AFF2: variants seen among roughly 807,000 people sequenced by gnomAD.
AFF2 encodes ALF transcription elongation factor 2, also known as AF4/FMR2 family member 2.
A neutral mutation model predicts 76.9 loss-of-function variants in AFF2; 14 were observed. That is an observed-to-expected ratio of 0.18 (90% CI 0.12 to 0.28). AFF2 has a LOEUF of 0.28. Ranked by LOEUF, AFF2 falls within the 10% of genes least tolerant of loss-of-function variation. The probability of loss-of-function intolerance (pLI) is 1.00; values close to 1 mark genes in which losing one functional copy is unlikely to be tolerated. For missense variants in AFF2, 868 were observed against 1,001.1 expected (o/e 0.87, Z 1.79); for synonymous variants, 398 against 366.7 (o/e 1.09, Z -0.98).
At chrX:148,501,192 G>A in intron 1 of AFF2, 48 bp downstream of exon 1, 2 of 1,197,757 alleles carry the variant, frequency 1.7e-6, no homozygotes, top group Non-Finnish European at 2.3e-6. Flanking sequence ...GTCTCCTGGC[G>A]AAGTCTGAGG....
At chrX:148,518,170 G>A (rs939619013) in intron 1 of AFF2, among the ~76,000 whole-genome samples, 1 of 111,799 alleles carries the variant, frequency 8.9e-6, no homozygotes, top group Non-Finnish European at 1.9e-5. Flanking sequence ...TCTTGACTTG[G>A]GGGGAAAGGT....
chrX:148,906,973 G>T (rs2124215513), intron 9 of AFF2, among the ~76,000 whole-genome samples: 1 of 111,497 alleles, frequency 9.0e-6, no homozygotes, highest in South Asian at 3.8e-4. Context: ...GGGTTCCACG[G>T]TTCTCTTCCA....
At position 148,837,686 on chromosome X, in the gene AFF2, C is replaced by A; in HGVS notation, c.1126C>A (p.His376Asn). 8.3e-7 allele frequency: 1 copy of A among 1,201,374 alleles called. No individual in the cohort carries two copies. Among genetic ancestry groups the A allele is most frequent in the Non-Finnish European group, 1.1e-6 (1 of 886,321 alleles). ...CTGGCCTACTCCTCTCACTTCCATG[C>A]ATACTGCTGGACACTCTGAGCAGAG... Reference protein sequence around the residue: ...HSWPTPLTSMHTAGHSEQSTF... With the variant: ...HSWPTPLTSMNTAGHSEQSTF... The change falls in exon 5 of 21, where the codon CAT becomes AAT. Residue 376 changes from histidine to asparagine, a missense_variant. His to Asn is a moderately conservative substitution (Grantham distance 68). Transcript: ENST00000370460.
chrX:148,844,574 C>T (rs1373644191), intron 7 of AFF2, among the ~76,000 whole-genome samples: 2 of 111,674 alleles, frequency 1.8e-5, no homozygotes, highest in Non-Finnish European at 3.8e-5. Flanking sequence ...GTGTAATAGG[C>T]ACATACTTGG....
Position 148,770,076 on chromosome X carries a change from T to G in AFF2, c.1042-39800T>G, listed in dbSNP as rs142864298. Among the ~76,000 whole-genome samples, 754 of 111,590 alleles carry G rather than the reference T, an allele frequency of 6.8e-3. 8 individuals are homozygous for G. The highest frequency in any genetic ancestry group is 0.011 in the Non-Finnish European group (566 of 53,111). On this transcript the variant is annotated intron_variant, in intron 3 of 20. Transcript: ENST00000370460. ...CTATATGCGAGTACTGTGCTAAACA[T>G]CAGTGATGATGTGTGATGGGGGAAA...
intron 1 of AFF2, among the ~76,000 whole-genome samples, chrX:148,581,135 G>T (rs1369568651): frequency 2.2e-5 from 1 of 45,127 alleles, no homozygotes; most frequent in South Asian, 1.6e-3. Context: ...ATACGTATAC[G>T]TATACACACA....
At chrX:148,905,434 C>A (rs1011478391) in intron 9 of AFF2, among the ~76,000 whole-genome samples, 1 of 112,163 alleles carries the variant, frequency 8.9e-6, no homozygotes, top group African/African-American at 3.2e-5. Flanking sequence ...TTCTCTGCAG[C>A]CTGATTTCTT....
At chrX:148,728,848 C>G (rs2124550049) in intron 3 of AFF2, among the ~76,000 whole-genome samples, 1 of 112,335 alleles carries the variant, frequency 8.9e-6, no homozygotes, top group African/African-American at 3.2e-5. Context: ...CACTATATAA[C>G]TAACAGGTTC....
chrX:148,625,488 C>T (rs1408026489), intron 1 of AFF2, among the ~76,000 whole-genome samples: 1 of 110,289 alleles, frequency 9.1e-6, no homozygotes, highest in Non-Finnish European at 1.9e-5. Flanking sequence ...GAGCATGTAG[C>T]TCAGTCAGCC....
chrX:148,676,046 T>C (rs959452845), intron 3 of AFF2, among the ~76,000 whole-genome samples: 4 of 108,585 alleles, frequency 3.7e-5, no homozygotes, highest in Non-Finnish European at 7.6e-5. Flanking sequence ...AGTTTGATAC[T>C]ATGAATTGTG....
intron 3 of AFF2, among the ~76,000 whole-genome samples, chrX:148,778,327 T>C (rs1259686984): frequency 9.0e-6 from 1 of 111,413 alleles, no homozygotes; most frequent in East Asian, 2.8e-4. Flanking sequence ...TTTTGTTGTG[T>C]CTCTGCCAGG....
chrX:148,827,580 C>A (rs2070403351), intron 4 of AFF2, among the ~76,000 whole-genome samples: 1 of 112,055 alleles, frequency 8.9e-6, no homozygotes, highest in Admixed American at 9.5e-5. Context: ...ATCTCTCCAA[C>A]AATGTGAAAT....
chrX:148,681,561 T>TCA (rs1415302587), intron 3 of AFF2, among the ~76,000 whole-genome samples: 1 of 71,101 alleles, frequency 1.4e-5, no homozygotes, highest in East Asian at 3.2e-4. Flanking sequence ...TGTGTGTGTG[T>TCA]GTCAGTGTGT....
At chrX:148,648,327 G>A (rs1002448082) in intron 1 of AFF2, among the ~76,000 whole-genome samples, 3 of 110,366 alleles carry the variant, frequency 2.7e-5, no homozygotes, top group Non-Finnish European at 1.9e-5. Flanking sequence ...TTGGGAGGCC[G>A]AGACGGGTGG....
chrX:148,583,915 T>A (rs1557245466), intron 1 of AFF2, among the ~76,000 whole-genome samples: 2 of 111,997 alleles, frequency 1.8e-5, no homozygotes, highest in African/African-American at 6.5e-5. Flanking sequence ...TTGCTTAGAG[T>A]TATTTTTGTC....
At chrX:148,580,187 C>T (rs781870941) in intron 1 of AFF2, among the ~76,000 whole-genome samples, 1 of 111,104 alleles carries the variant, frequency 9.0e-6, no homozygotes, top group Admixed American at 9.6e-5. Context: ...TACACTTGCC[C>T]ATTCATATCC....
intron 3 of AFF2, among the ~76,000 whole-genome samples, chrX:148,750,244 A>G (rs1354633959): frequency 9.0e-6 from 1 of 110,931 alleles, no homozygotes; most frequent in Non-Finnish European, 1.9e-5. Context: ...TGCTTGGATT[A>G]CAGGCGGAGC....
intron 3 of AFF2, among the ~76,000 whole-genome samples, chrX:148,704,500 A>ATG (rs2054857103): frequency 1.0e-5 from 1 of 96,812 alleles, no homozygotes; most frequent in Admixed American, 1.2e-4. Context: ...ATTTATATAT[A>ATG]TGTGTATATA....
At chrX:148,940,644 A>G (rs1268605879) in intron 9 of AFF2, among the ~76,000 whole-genome samples, 2 of 108,562 alleles carry the variant, frequency 1.8e-5, no homozygotes, top group African/African-American at 6.7e-5. Context: ...CATTTAATAG[A>G]CTCTGTGTTC....
Sources: allele counts gnomAD v4.1 joint callset (sites outside exome capture counted in the v4.1 genomes callset), GRCh38; gene constraint gnomAD v4.1.1; transcripts MANE v1.5; gene names NCBI Gene and HGNC (gene_info 2026-07-23, HGNC 2026-07-21).